Variants in OPN5 observed in about 807,000 individuals in gnomAD.
OPN5 encodes the protein opsin-5.
In OPN5, 18 loss-of-function variants were observed where a neutral mutation model predicts 41.7. The observed-to-expected ratio is 0.43, with a 90% confidence interval of 0.30 to 0.64. The LOEUF (loss-of-function observed/expected upper bound fraction) is 0.64, where lower values mean the gene tolerates loss of function less well. Among genes scored for constraint, OPN5 ranks in the 30% least tolerant of loss-of-function variants. The pLI is 0.13. For missense variants in OPN5, 318 were observed against 434.5 expected (o/e 0.73, Z 2.38); for synonymous variants, 178 against 164.3 (o/e 1.08, Z -0.64).
In OPN5 at chr6:47,808,791, G is replaced by T. The variant is rs1293297045; in HGVS notation, c.998+396G>T. ...CTTGTCTGGCACATCACTACCACTA[G>T]CTAAGGGCATAAAAGTTGGGCGGGC... is the stretch of plus-strand genomic sequence containing the variant. On this transcript the variant is annotated intron_variant, in intron 5 of 6. Transcript: ENST00000371211. Among the ~76,000 whole-genome samples, 5 of 152,244 alleles carry T rather than the reference G, an allele frequency of 3.3e-5. No individual in the cohort carries two copies. In the South Asian group the frequency reaches 6.2e-4, roughly 19 times the overall value.
intron 4 of OPN5, 107 bp from the exon 5 acceptor site, chr6:47,808,047 T>C (rs1267095595): frequency 3.8e-5 from 38 of 1,011,688 alleles, no homozygotes; most frequent in Non-Finnish European, 5.3e-5. Context: ...AATGACAGAC[T>C]TTCTTGGCTG....
chr6:47,797,717 GT>G (rs1773622456), intron 4 of OPN5, among the ~76,000 whole-genome samples: 1 of 152,156 alleles, frequency 6.6e-6, no homozygotes, highest in African/African-American at 2.4e-5. Flanking sequence ...TCACCTCTCT[GT>G]TTTCCATCCC....
At chr6:47,823,898 G>A in intron 6 of OPN5, 85 bp from the exon 7 acceptor site, 1 of 950,114 alleles carries the variant, frequency 1.1e-6, no homozygotes, top group Non-Finnish European at 1.7e-6. Flanking sequence ...TGTGTGGTAT[G>A]TTTAGGCTCT....
chr6:47,799,057 C>T (rs757056041), intron 4 of OPN5, among the ~76,000 whole-genome samples: 5 of 152,046 alleles, frequency 3.3e-5, no homozygotes, highest in Admixed American at 6.6e-5. Context: ...GGTCTGATCT[C>T]GTGAAGCTAA....
intron 4 of OPN5, 53 bp from the exon 5 acceptor site, chr6:47,808,101 C>G: frequency 6.3e-7 from 1 of 1,598,748 alleles, no homozygotes; most frequent in Non-Finnish European, 8.6e-7. Flanking sequence ...GTTTCAGACT[C>G]ATGTCCTTTA....
chr6:47,822,019 G>A (rs189656072), intron 6 of OPN5, among the ~76,000 whole-genome samples: 76 of 151,842 alleles, frequency 5.0e-4, no homozygotes, highest in African/African-American at 1.8e-3. Flanking sequence ...GACTGAGGCA[G>A]GAGAATCGCT....
intron 4 of OPN5, among the ~76,000 whole-genome samples, chr6:47,806,584 T>C (rs556810178): frequency 6.6e-6 from 1 of 152,324 alleles, no homozygotes; most frequent in East Asian, 1.9e-4. Flanking sequence ...TACGCCATTT[T>C]ACTCTACAGG....
chr6:47,790,472 C>A (rs1279339830), intron 2 of OPN5, among the ~76,000 whole-genome samples: 2 of 152,136 alleles, frequency 1.3e-5, no homozygotes, highest in Admixed American at 1.3e-4. Context: ...GGCATGAACA[C>A]ATGAAAATTG....
chr6:47,808,398 A>T lies in OPN5; in HGVS notation c.998+3A>T. On this transcript the variant is annotated splice_donor_region_variant and intron_variant, in intron 5 of 6. Transcript: ENST00000371211. ...AAGAAGTCTCTGGAAGGCTTCAGGT[A>T]AAACTTCAGAAGCTGGAAATGAATT... 6.2e-7 allele frequency: 1 copy of T among 1,613,946 alleles called. No homozygotes were observed.
intron 4 of OPN5, among the ~76,000 whole-genome samples, chr6:47,800,431 T>C (rs1004580058): frequency 3.9e-5 from 6 of 152,128 alleles, no homozygotes; most frequent in Non-Finnish European, 7.4e-5. Context: ...AGCCTTGGGG[T>C]CCAGGTGGAG....
At chr6:47,803,683 T>G (rs1251155303) in intron 4 of OPN5, among the ~76,000 whole-genome samples, 1 of 152,204 alleles carries the variant, frequency 6.6e-6, no homozygotes, top group Non-Finnish European at 1.5e-5. Context: ...TTCTAATCTA[T>G]TTTATTATTC....
intron 2 of OPN5, 43 bp downstream of exon 2, chr6:47,786,677 T>G: frequency 6.3e-7 from 1 of 1,587,222 alleles, no homozygotes; most frequent in Non-Finnish European, 8.6e-7. Context: ...TTTAAACTAC[T>G]CCCCATTCTA....
downstream of OPN5, chr6:47,825,856 A>G (rs1038007589): frequency 6.6e-6 from 1 of 152,156 alleles, no homozygotes; most frequent in Non-Finnish European, 1.5e-5. Flanking sequence ...CATTCACCAC[A>G]GTTGACCTCA....
intron 1 of OPN5, among the ~76,000 whole-genome samples, chr6:47,784,139 G>C (rs1287359464): frequency 6.6e-6 from 1 of 152,258 alleles, no homozygotes; most frequent in Non-Finnish European, 1.5e-5. Flanking sequence ...GAGGATCAGG[G>C]CACTAGGAGG....
At chr6:47,783,698 G>A (rs557083038) in intron 1 of OPN5, among the ~76,000 whole-genome samples, 65 of 152,184 alleles carry the variant, frequency 4.3e-4, no homozygotes, top group Middle Eastern at 3.4e-3. Context: ...TAAGTTGCTG[G>A]GAATAGAGCA....
intron 5 of OPN5, among the ~76,000 whole-genome samples, chr6:47,811,295 A>G (rs183327127): frequency 4.6e-5 from 7 of 152,288 alleles, no homozygotes. Flanking sequence ...TGCTATCATA[A>G]TCAAACCTCC....
At chr6:47,795,330 G>A (rs780695747) in exon 4 of OPN5, 19 of 1,613,966 alleles carry the variant, frequency 1.2e-5, no homozygotes, top group Non-Finnish European at 1.5e-5. Context: ...GGGGGACTAC[G>A]TACCTGAGCC....
intron 5 of OPN5, among the ~76,000 whole-genome samples, chr6:47,809,878 C>T (rs1037703170): frequency 2.2e-4 from 33 of 152,302 alleles, no homozygotes; most frequent in Middle Eastern, 3.4e-3. Context: ...GAGAAAGTAA[C>T]GGCACACTTC....
chr6:47,818,364 A>G (rs767642859), intron 6 of OPN5, among the ~76,000 whole-genome samples: 1 of 152,176 alleles, frequency 6.6e-6, no homozygotes, highest in African/African-American at 2.4e-5. Flanking sequence ...AAATGACTTA[A>G]ATGATTGGAA....
Sources: allele counts gnomAD v4.1 joint callset (sites outside exome capture counted in the v4.1 genomes callset), GRCh38; gene constraint gnomAD v4.1.1; transcripts MANE v1.5; gene names NCBI Gene and HGNC (gene_info 2026-07-23, HGNC 2026-07-21).